The following RDH8 variants were observed in gnomAD, a reference collection of about 807,000 sequenced individuals.
RDH8 encodes retinol dehydrogenase 8, also known as photoreceptor outer segment all-trans retinol dehydrogenase.
Under a neutral mutation model 22.3 loss-of-function variants are expected in RDH8, and 14 were observed. The ratio of observed to expected loss-of-function variants is 0.63; its 90% CI spans 0.42 to 0.98. RDH8 has a LOEUF of 0.98. RDH8 is among the 50% of genes least tolerant of loss of function. The probability of loss-of-function intolerance (pLI) is 0.00; values close to 1 mark genes in which losing one functional copy is unlikely to be tolerated. For synonymous variants in RDH8, 175 were observed against 171.7 expected, an observed-to-expected ratio of 1.02 and a Z score of -0.15; for missense variants, 389 against 409.8, an observed-to-expected ratio of 0.95 and a Z score of 0.44.
Position 10,021,608 on chromosome 19 carries a change from C to G in RDH8, c.795C>G (p.Thr265=). 1 of 1,613,640 alleles carries G rather than the reference C, an allele frequency of 6.2e-7. No individual in the cohort carries two copies. The highest frequency in any genetic ancestry group is 8.5e-7 in the Non-Finnish European group (1 of 1,179,562). Residue 265 remains threonine, a synonymous_variant, in exon 6 of 6, where the codon ACC becomes ACG. Coordinates refer to ENST00000591589, the MANE Select transcript of RDH8 (RefSeq NM_015725.4). The stretch of plus-strand genomic sequence containing the variant: ...CCAACATCCGCTACTCGCCGCTGAC[C>G]ACGCTCAAAACCGTGGATTCCTCTG... ...RQTNIRYSPL[T]TLKTVDSSGS... is the part of the protein sequence containing the mutation.
intron 3 of RDH8, 85 bp from the exon 4 acceptor site, chr19:10,020,624 G>A: frequency 1.3e-6 from 1 of 795,230 alleles, no homozygotes; most frequent in South Asian, 1.5e-5. Flanking sequence ...TCTTTGCTCT[G>A]TCTCCCAAAG....
Position 10,020,775 on chromosome 19 carries a change from C to G in RDH8, c.509C>G (p.Ala170Gly), listed in dbSNP as rs757302315. ...CTGGAGGGATTCTTCGAAAGCCTCGCTATCCAGCTGCTGCAGTTCAACATC... is the reference window on the plus strand; with the variant it reads ...CTGGAGGGATTCTTCGAAAGCCTCGGTATCCAGCTGCTGCAGTTCAACATC... The part of the protein sequence containing the change: ...FALEGFFESL[A>G]IQLLQFNIFI... The change falls in exon 4 of 6, where the codon GCT becomes GGT. Residue 170 changes from alanine to glycine, a missense_variant. Physicochemically the swap from Ala to Gly is moderately conservative, Grantham distance 60. Transcript: ENST00000591589. 2 of 1,610,100 alleles carry G rather than the reference C, an allele frequency of 1.2e-6. No individual in the cohort carries two copies. Among genetic ancestry groups the G allele is most frequent in the African/African-American group, 2.7e-5 (2 of 74,872 alleles).
chr19:10,020,567 C>A lies in RDH8; in HGVS notation c.443-142C>A, dbSNP rs998478115. The A allele has an allele frequency of 7.9e-6, 5 of 636,014 alleles. No individual in the cohort carries two copies. The African/African-American group carries it at 9.1e-5, about 12-fold the overall frequency. 39.4% of individuals were successfully genotyped at this position (636,014 alleles called of 1,614,324 possible). ...TGACCCCATCACACAATGCCATACA[C>A]CCATCATCTTGGCACCATGTATCTG... On this transcript the variant is annotated intron_variant, in intron 3 of 5. Transcript: ENST00000591589.
intron 4 of RDH8, 103 bp from the exon 5 acceptor site, chr19:10,021,152 C>T (rs2087655116): frequency 1.8e-6 from 2 of 1,105,182 alleles, no homozygotes; most frequent in South Asian, 3.1e-5. Flanking sequence ...CCAGCCTGGG[C>T]AACAGAGTGA....
intron 1 of RDH8, among the ~76,000 whole-genome samples, chr19:10,015,557 G>A (rs1215920455): frequency 2.0e-5 from 3 of 151,734 alleles, no homozygotes; most frequent in Non-Finnish European, 4.4e-5. Flanking sequence ...TGAACCGGGA[G>A]ACAGAGGTTG....
intron 3 of RDH8, 46 bp downstream of exon 3, chr19:10,018,956 C>T: frequency 1.3e-6 from 2 of 1,491,202 alleles, no homozygotes; most frequent in South Asian, 2.5e-5. Context: ...AGTGTCTGAT[C>T]CTCCCCAGAC....
intron 3 of RDH8, among the ~76,000 whole-genome samples, chr19:10,020,355 AGG>A (rs2087648596): frequency 9.2e-6 from 1 of 108,294 alleles, no homozygotes; most frequent in Admixed American, 1.0e-4. Flanking sequence ...GGAGGGAGGG[AGG>A]GAGGAAGGAA....
At chr19:10,016,651 T>C (rs1043114324) in intron 1 of RDH8, among the ~76,000 whole-genome samples, 10 of 151,804 alleles carry the variant, frequency 6.6e-5, no homozygotes, top group Non-Finnish European at 1.3e-4. Context: ...TATAATTTTT[T>C]TGTAGAGATG....
rs747574 is a variant in RDH8 at position 10,021,614 on chromosome 19, C to T, written c.801C>T (p.Leu267=). The T allele has an allele frequency of 0.17, 269,507 of 1,614,028 alleles. 25,037 individuals carry two copies. The highest frequency in any genetic ancestry group is 0.37 in the East Asian group (16,717 of 44,864). ...TCCGCTACTCGCCGCTGACCACGCT[C>T]AAAACCGTGGATTCCTCTGGCAGCC... The part of the protein sequence containing the change: ...TNIRYSPLTT[L]KTVDSSGSLY... The change falls in exon 6 of 6, where the codon CTC becomes CTT. Residue 267 remains leucine, a synonymous_variant. Transcript: ENST00000591589.
chr19:10,016,884 T>A lies in RDH8; in HGVS notation c.104-173T>A, dbSNP rs138871819. Among the ~76,000 whole-genome samples, 361 of 152,248 alleles carry A rather than the reference T, an allele frequency of 2.4e-3. 1 individual carries two copies. Among genetic ancestry groups the A allele is most frequent in the African/African-American group, 8.1e-3 (335 of 41,540 alleles). The stretch of plus-strand genomic sequence containing the variant: ...GGTTGGAAGGATGGATATAGGTACG[T>A]GGAGATGCGTGTACACAAGTGTGCA... On this transcript the variant is annotated intron_variant, in intron 1 of 5. Transcript: ENST00000591589.
Position 10,017,056 on chromosome 19 carries a change from G to T in RDH8, c.104-1G>T. ...TCCCTGCTTTACTCTCTGCCCCGCA[G>T]TCGTGGCCACCATGAGGGACCTGGG... On this transcript the variant is annotated splice_acceptor_variant, in intron 1 of 5. Transcript: ENST00000591589. LOFTEE classifies it high-confidence loss of function. 1 of 1,566,956 alleles carries T rather than the reference G, an allele frequency of 6.4e-7. No individual in the cohort carries two copies. Among genetic ancestry groups the T allele is most frequent in the Non-Finnish European group, 8.7e-7 (1 of 1,151,194 alleles).
At chr19:10,018,146 T>C (rs982988425) in intron 2 of RDH8, among the ~76,000 whole-genome samples, 3 of 152,238 alleles carry the variant, frequency 2.0e-5, no homozygotes, top group African/African-American at 2.4e-5. Context: ...GGTTTCTCCA[T>C]GTTCATCAGG....
In RDH8 at chr19:10,021,857, C is replaced by A; in HGVS notation, c.*108C>A. On this transcript the variant is annotated 3_prime_UTR_variant, in exon 6 of 6. Transcript: ENST00000591589. The stretch of plus-strand genomic sequence containing the variant: ...TCATTTATTCATTCTGCAAACTCCC[C>A]CTCCCCTCCTCTGTGCCTAGACATG... 1 of 1,141,500 alleles carries A rather than the reference C, an allele frequency of 8.8e-7. No individual in the cohort carries two copies. Among genetic ancestry groups the A allele is most frequent in the Non-Finnish European group, 1.2e-6 (1 of 805,726 alleles). The allele number at this position is 1,141,500 out of a possible 1,614,324, so 70.7% of individuals were successfully genotyped here.
In RDH8 at chr19:10,021,525, A is replaced by G. The variant is rs2087659185; in HGVS notation, c.721-9A>G. ...CTGGGTCCCAGCGCTCAGGGCCTCC[A>G]TTCTGCAGGCCATTGTCAACGTCAT... is the stretch of plus-strand genomic sequence containing the variant. On this transcript the variant is annotated splice_polypyrimidine_tract_variant and intron_variant, in intron 5 of 5. Transcript: ENST00000591589. 1.2e-6 allele frequency: 2 copies of G among 1,613,974 alleles called. No homozygotes were observed. The highest frequency in any genetic ancestry group is 2.7e-5 in the African/African-American group (2 of 74,902).
In RDH8 at chr19:10,018,667, T is replaced by C. The variant is rs2303097; in HGVS notation, c.263-64T>C. The C allele has an allele frequency of 5.9e-4, 763 of 1,302,750 alleles. 10 individuals carry two copies. In the East Asian group the frequency reaches 0.014, roughly 25 times the overall value. 80.7% of individuals were successfully genotyped at this position (1,302,750 alleles called of 1,614,324 possible). On this transcript the variant is annotated intron_variant, in intron 2 of 5. Transcript: ENST00000591589. ...GTACGGGGTGAGGTGCTTCAGGGAG[T>C]GTCTAGAAGTAATGCTAGAAGAGTG...
At chr19:10,017,994 A>G (rs900299586) in intron 2 of RDH8, among the ~76,000 whole-genome samples, 6 of 150,552 alleles carry the variant, frequency 4.0e-5, no homozygotes, top group Admixed American at 6.6e-5. Flanking sequence ...TGCCTAGGCT[A>G]GAGTGCAATG....
intron 2 of RDH8, 102 bp downstream of exon 2, chr19:10,017,317 A>G (rs1193970453): frequency 2.4e-6 from 3 of 1,271,812 alleles, no homozygotes; most frequent in Non-Finnish European, 3.1e-6. Context: ...TTCTTCAGCA[A>G]TCTCTGAACC....
Position 10,021,921 on chromosome 19 carries a change from CTCCT to C in RDH8, c.*173_*176del. ...AAGGGCCTTTATTTTCAGGCATAGA[CTCCT>C]CTGTGGTCACAGCTGGAGCACAGAG... On this transcript the variant is annotated 3_prime_UTR_variant, in exon 6 of 6. Transcript: ENST00000591589. 1 of 723,784 alleles carries C rather than the reference CTCCT, an allele frequency of 1.4e-6. No homozygotes were observed. Among genetic ancestry groups the C allele is most frequent in the Non-Finnish European group, 2.2e-6 (1 of 448,350 alleles). 44.8% of individuals were successfully genotyped at this position (723,784 alleles called of 1,614,324 possible).
Position 10,017,136 on chromosome 19 carries a change from C to G in RDH8, c.183C>G (p.Thr61=). ...AAGEALGQTL[T]VAQLDVCSDE... is the part of the protein sequence containing the mutation. ...GGGAGGCTCTGGGGCAGACCCTCACCGTGGCCCAGCTGGACGTGTGCAGTG... is the reference window on the plus strand; with the variant it reads ...GGGAGGCTCTGGGGCAGACCCTCACGGTGGCCCAGCTGGACGTGTGCAGTG... The change falls in exon 2 of 6, where the codon ACC becomes ACG. Residue 61 remains threonine (T), a synonymous_variant. Transcript: ENST00000591589. 6.2e-7 allele frequency: 1 copy of G among 1,611,342 alleles called. No homozygotes were observed. Among genetic ancestry groups the G allele is most frequent in the Non-Finnish European group, 8.5e-7 (1 of 1,178,260 alleles).
Sources: allele counts gnomAD v4.1 joint callset (sites outside exome capture counted in the v4.1 genomes callset), GRCh38; gene constraint gnomAD v4.1.1; transcripts MANE v1.5; gene names NCBI Gene and HGNC (gene_info 2026-07-23, HGNC 2026-07-21).